DOCK1: variants seen among roughly 807,000 people sequenced by gnomAD.
The protein encoded by DOCK1 is dedicator of cytokinesis 1.
In DOCK1, 138 loss-of-function variants were observed where a neutral mutation model predicts 262.7. The observed-to-expected ratio is 0.53, with a 90% CI of 0.46 to 0.61. The LOEUF (loss-of-function observed/expected upper bound fraction) is 0.61, where lower values mean the gene tolerates loss of function less well. Ranked by LOEUF, DOCK1 falls within the 20% of genes least tolerant of loss-of-function variation. The pLI, the probability that DOCK1 is intolerant of heterozygous loss-of-function variation, is 0.00. For synonymous variants in DOCK1, 866 were observed against 867.4 expected, an observed-to-expected ratio of 1.00 and a Z score of 0.03; for missense variants, 1,908 against 2,370.7, an observed-to-expected ratio of 0.80 and a Z score of 4.05.
At chr10:127,014,079 A>G (rs1474346639) in intron 12 of DOCK1, among the ~76,000 whole-genome samples, 1 of 152,240 alleles carries the variant, frequency 6.6e-6, no homozygotes, top group African/African-American at 2.4e-5. Flanking sequence ...ACCTCTGTCC[A>G]CATGCGCCTC....
At position 127,061,796 on chromosome 10, in the gene DOCK1, A is replaced by G; in HGVS notation, c.2445+20A>G. On this transcript the variant is annotated intron_variant, in intron 23 of 51. Coordinates refer to ENST00000623213, the MANE Select transcript of DOCK1 (RefSeq NM_001290223.2). ...GTGAAGGTGAGTGCCGGCCACTGCC[A>G]AGGCAGACTTCTCCTTCTTTTTTTC... 1 of 1,545,368 alleles carries G rather than the reference A, an allele frequency of 6.5e-7. No homozygotes were observed. The highest frequency in any genetic ancestry group is 2.0e-5 in the Admixed American group (1 of 49,856).
intron 36 of DOCK1, 76 bp downstream of exon 36, chr10:127,380,198 A>G (rs748376301): frequency 4.3e-6 from 5 of 1,175,234 alleles, no homozygotes; most frequent in South Asian, 1.6e-5. Context: ...ATGCTAAGAA[A>G]TGTGTTATAG....
chr10:127,394,548 A>T (rs186135765), intron 38 of DOCK1, among the ~76,000 whole-genome samples: 2 of 152,334 alleles, frequency 1.3e-5, no homozygotes, highest in Admixed American at 1.3e-4. Flanking sequence ...TGAAGCCCTC[A>T]TATGGGTTTC....
chr10:127,372,539 A>G (rs1387587963), intron 33 of DOCK1, among the ~76,000 whole-genome samples: 1 of 152,220 alleles, frequency 6.6e-6, no homozygotes, highest in African/African-American at 2.4e-5. Flanking sequence ...AACTGTATTC[A>G]GTAGTTTATG....
intron 33 of DOCK1, among the ~76,000 whole-genome samples, chr10:127,373,413 C>A (rs1288851015): frequency 1.3e-5 from 2 of 152,158 alleles, no homozygotes; most frequent in Non-Finnish European, 2.9e-5. Flanking sequence ...ATTTCAGGAA[C>A]CAACAAGCTA....
intron 29 of DOCK1, among the ~76,000 whole-genome samples, chr10:127,287,700 C>T (rs1335245485): frequency 1.3e-5 from 2 of 152,100 alleles, no homozygotes; most frequent in Non-Finnish European, 2.9e-5. Context: ...AGCAAGAATA[C>T]CTGATAAGTG....
At chr10:127,136,655 C>T (rs1422414079) in intron 27 of DOCK1, 2 of 152,596 alleles carry the variant, frequency 1.3e-5, no homozygotes, top group Non-Finnish European at 2.9e-5. Context: ...AATGTGTAAT[C>T]AAGAGAGAAC....
chr10:126,952,215 G>T (rs1481370144), intron 1 of DOCK1, among the ~76,000 whole-genome samples: 1 of 152,034 alleles, frequency 6.6e-6, no homozygotes, highest in Non-Finnish European at 1.5e-5. Flanking sequence ...TGGTGATACG[G>T]TAGTATTGTT....
intron 29 of DOCK1, among the ~76,000 whole-genome samples, chr10:127,258,795 A>G (rs188031113): frequency 1.3e-4 from 20 of 152,322 alleles, no homozygotes; most frequent in Admixed American, 1.3e-3. Flanking sequence ...TTTGCCGTTG[A>G]CACTGTTTTT....
At chr10:127,348,514 TA>T (rs1294328490) in intron 31 of DOCK1, among the ~76,000 whole-genome samples, 10 of 152,148 alleles carry the variant, frequency 6.6e-5, no homozygotes, top group Admixed American at 1.3e-4. Context: ...TATCTAAGCA[TA>T]AAATGCTCAC....
At chr10:127,338,977 A>G in intron 29 of DOCK1, 29 bp from the exon 30 acceptor site, 5 of 1,547,802 alleles carry the variant, frequency 3.2e-6, no homozygotes, top group Non-Finnish European at 4.4e-6. Flanking sequence ...GTAAGTGTGT[A>G]ATTATGTAAT....
At chr10:127,287,199 G>A (rs1030949626) in intron 29 of DOCK1, among the ~76,000 whole-genome samples, 6 of 146,536 alleles carry the variant, frequency 4.1e-5, no homozygotes, top group South Asian at 2.2e-4. Flanking sequence ...GAGCCACTGC[G>A]CCTGGCCTTT....
chr10:127,070,274 G>A (rs924568962), intron 23 of DOCK1, among the ~76,000 whole-genome samples: 11 of 29,880 alleles, frequency 3.7e-4, no homozygotes, highest in Non-Finnish European at 7.5e-4. Flanking sequence ...TTTTTTTTGA[G>A]ATGGAGTCTC....
intron 1 of DOCK1, among the ~76,000 whole-genome samples, chr10:126,910,652 CA>C (rs1400765294): frequency 2.0e-5 from 3 of 152,220 alleles, no homozygotes; most frequent in Admixed American, 6.5e-5. Flanking sequence ...AGCTGTAGTA[CA>C]GCATCACGAC....
intron 49 of DOCK1, among the ~76,000 whole-genome samples, chr10:127,443,825 G>A (rs2070351502): frequency 6.6e-6 from 1 of 151,986 alleles, no homozygotes; most frequent in Non-Finnish European, 1.5e-5. Flanking sequence ...CTCCTGCCTA[G>A]GTATTCTCCT....
chr10:127,253,960 T>C (rs748845410), intron 28 of DOCK1, among the ~76,000 whole-genome samples: 22 of 151,724 alleles, frequency 1.5e-4, no homozygotes, highest in Non-Finnish European at 2.5e-4. Context: ...GCTTCCGTCA[T>C]GTGTCTCCAA....
At chr10:126,960,745 T>TATATATATATACAC (rs1429186588) in intron 1 of DOCK1, among the ~76,000 whole-genome samples, 43 of 115,518 alleles carry the variant, frequency 3.7e-4, no homozygotes, top group African/African-American at 1.6e-3. Context: ...TATATATATA[T>TATATATATATACAC]ACACACACAC....
At chr10:127,415,536 A>G (rs1421255382) in intron 44 of DOCK1, among the ~76,000 whole-genome samples, 2 of 152,256 alleles carry the variant, frequency 1.3e-5, no homozygotes, top group African/African-American at 2.4e-5. Flanking sequence ...TGTTTTGACA[A>G]TGCTTTGTGT....
In DOCK1 at chr10:127,176,415, A is replaced by G; in HGVS notation, c.2847+48651A>G. ...GACCATGGTTCCTGCATTCAGAAAC[A>G]GCAACAGAGGTGTCAGTGGGACAGA... On this transcript the variant is annotated intron_variant, in intron 27 of 51. Transcript: ENST00000623213. The surrounding 1 kb of genome is among the most constrained non-coding windows in gnomAD (Gnocchi z 4.4). The G allele has an allele frequency of 6.3e-7, 1 of 1,578,770 alleles. No individual in the cohort carries two copies. Among genetic ancestry groups the G allele is most frequent in the Non-Finnish European group, 8.6e-7 (1 of 1,162,706 alleles).
Sources: allele counts gnomAD v4.1 joint callset (sites outside exome capture counted in the v4.1 genomes callset), GRCh38; gene constraint gnomAD v4.1.1; non-coding constraint Gnocchi (gnomAD v3.1); transcripts MANE v1.5; gene names NCBI Gene and HGNC (gene_info 2026-07-23, HGNC 2026-07-21).